Variants in PRKD1 observed in about 807,000 individuals in gnomAD.
The protein encoded by PRKD1 is protein kinase D1.
PRKD1 carries 63 observed loss-of-function variants against 95.9 expected under a neutral mutation model. That is an observed-to-expected ratio of 0.66 (90% confidence interval 0.54 to 0.81). The LOEUF (loss-of-function observed/expected upper bound fraction) is 0.81, where lower values mean the gene tolerates loss of function less well. Among genes scored for constraint, PRKD1 ranks in the 30% least tolerant of loss-of-function variants. The pLI is 0.00. For missense variants in PRKD1, 1,048 were observed against 1,165.3 expected (o/e 0.90, Z 1.47); for synonymous variants, 425 against 423.1 (o/e 1.00, Z -0.05).
chr14:29,678,244 T>A (rs574965339), intron 2 of PRKD1, among the ~76,000 whole-genome samples: 2 of 152,214 alleles, frequency 1.3e-5, no homozygotes, highest in Non-Finnish European at 2.9e-5. Context: ...CTGGAATTTA[T>A]GTACAACTTT....
At chr14:29,707,825 T>C (rs542312063) in intron 2 of PRKD1, among the ~76,000 whole-genome samples, 1 of 152,270 alleles carries the variant, frequency 6.6e-6, no homozygotes, top group African/African-American at 2.4e-5. Context: ...TTCATGAATG[T>C]TGATGTTCCA....
chr14:29,899,836 C>T (rs932468735), intron 1 of PRKD1, among the ~76,000 whole-genome samples: 1 of 152,102 alleles, frequency 6.6e-6, no homozygotes, highest in Non-Finnish European at 1.5e-5. Flanking sequence ...AACTGTAATC[C>T]GAATTGTAAT....
chr14:29,667,577 G>A (rs985374032), intron 2 of PRKD1, among the ~76,000 whole-genome samples: 5 of 152,152 alleles, frequency 3.3e-5, no homozygotes, highest in African/African-American at 1.2e-4. Flanking sequence ...TGGTCAAAAT[G>A]TGTCCAATTG....
chr14:29,586,021 G>C (rs1892911713), intron 16 of PRKD1, among the ~76,000 whole-genome samples: 1 of 152,186 alleles, frequency 6.6e-6, no homozygotes. Context: ...TGATTTGGTA[G>C]TTCTGAGGTG....
chr14:29,865,791 G>T (rs2139367795), intron 1 of PRKD1, among the ~76,000 whole-genome samples: 1 of 152,236 alleles, frequency 6.6e-6, no homozygotes, highest in East Asian at 1.9e-4. Flanking sequence ...ATGTCTCTGT[G>T]CTGCTTTCTG....
At chr14:29,854,608 T>A (rs1892429115) in intron 1 of PRKD1, among the ~76,000 whole-genome samples, 1 of 152,224 alleles carries the variant, frequency 6.6e-6, no homozygotes, top group Non-Finnish European at 1.5e-5. Context: ...TACCATTTTC[T>A]GAGGAGAAAT....
chr14:29,849,663 C>T (rs1892226041), intron 1 of PRKD1, among the ~76,000 whole-genome samples: 1 of 151,674 alleles, frequency 6.6e-6, no homozygotes, highest in Non-Finnish European at 1.5e-5. Context: ...GAGCTGGTAC[C>T]AATCCCACCG....
At chr14:29,853,583 G>A (rs186974991) in intron 1 of PRKD1, among the ~76,000 whole-genome samples, 101 of 152,302 alleles carry the variant, frequency 6.6e-4, no homozygotes, top group African/African-American at 2.2e-3. Flanking sequence ...TTCCTACACC[G>A]AAGGTCTTTG....
intron 2 of PRKD1, among the ~76,000 whole-genome samples, chr14:29,666,823 T>C (rs1331157412): frequency 1.3e-5 from 2 of 152,010 alleles, no homozygotes; most frequent in African/African-American, 2.4e-5. Flanking sequence ...AAGAGAGGGA[T>C]TTAATACATA....
intron 2 of PRKD1, among the ~76,000 whole-genome samples, chr14:29,683,661 T>C (rs1351955781): frequency 1.3e-5 from 2 of 152,086 alleles, no homozygotes; most frequent in Non-Finnish European, 2.9e-5. Flanking sequence ...AAAAATACTA[T>C]CAAATATGGA....
At chr14:29,856,607 G>GT (rs1892513697) in intron 1 of PRKD1, among the ~76,000 whole-genome samples, 1 of 152,130 alleles carries the variant, frequency 6.6e-6, no homozygotes, top group East Asian at 1.9e-4. Context: ...TCAATGTATC[G>GT]TGAGTTCAAT....
At chr14:29,749,033 T>C (rs564297160) in intron 1 of PRKD1, among the ~76,000 whole-genome samples, 61 of 152,270 alleles carry the variant, frequency 4.0e-4, no homozygotes, top group African/African-American at 1.4e-3. Context: ...ACTATAAGTA[T>C]ATGTAGGAGT....
intron 1 of PRKD1, among the ~76,000 whole-genome samples, chr14:29,893,296 T>C (rs1218787589): frequency 2.0e-5 from 3 of 152,042 alleles, no homozygotes; most frequent in African/African-American, 4.8e-5. Flanking sequence ...AATTTTCTTG[T>C]TGAAAATTTA....
chr14:29,766,808 A>G (rs191218875), intron 1 of PRKD1, among the ~76,000 whole-genome samples: 228 of 152,302 alleles, frequency 1.5e-3, no homozygotes, highest in African/African-American at 5.3e-3. Context: ...TGGGGGACAG[A>G]GGAACAAAAC....
chr14:29,694,675 C>A (rs1884416565), intron 2 of PRKD1, among the ~76,000 whole-genome samples: 1 of 151,936 alleles, frequency 6.6e-6, no homozygotes, highest in Non-Finnish European at 1.5e-5. Context: ...AAATATAAAG[C>A]AAGAAGTGGG....
At position 29,920,003 on chromosome 14, in the gene PRKD1, A is replaced by AGGAAGGAAGGAG. The variant is rs1473401271; in HGVS notation, c.264+7234_264+7245dup. On this transcript the variant is annotated intron_variant, in intron 1 of 17. Coordinates refer to ENST00000331968, the MANE Select transcript of PRKD1 (RefSeq NM_002742.3). ...GAGAGAGAAAGAGAGGAAGGAAGGT[A>AGGAAGGAAGGAG]GGAAGGAAGGAGGGAAGGAAGGAAG... Among the ~76,000 whole-genome samples the AGGAAGGAAGGAG allele has an allele frequency of 3.9e-4, 53 of 136,824 alleles. 2 individuals carry two copies. The highest frequency in any genetic ancestry group is 1.5e-3 in the South Asian group (6 of 3,986). 89.8% of individuals were successfully genotyped at this position (136,824 alleles called of 152,430 possible). A position where few individuals can be genotyped will look rare whatever the true frequency, so the allele number is the denominator to read the frequency against.
At chr14:29,841,438 C>T (rs1891839488) in intron 1 of PRKD1, among the ~76,000 whole-genome samples, 1 of 152,084 alleles carries the variant, frequency 6.6e-6, no homozygotes, top group African/African-American at 2.4e-5. Context: ...TGGGAAGAAC[C>T]CATTGGGGGG....
chr14:29,823,947 T>C (rs1891017536), intron 1 of PRKD1, among the ~76,000 whole-genome samples: 1 of 152,184 alleles, frequency 6.6e-6, no homozygotes, highest in Admixed American at 6.6e-5. Context: ...TTGAGAACTC[T>C]GGGGCTAAGC....
chr14:29,739,579 GT>G (rs1886892977), intron 1 of PRKD1, among the ~76,000 whole-genome samples: 1 of 152,160 alleles, frequency 6.6e-6, no homozygotes, highest in Non-Finnish European at 1.5e-5. Context: ...TGAAATTAAA[GT>G]TTTGAATGTG....
Sources: gnomAD v4.1 joint callset for allele counts (sites outside exome capture counted in the v4.1 genomes callset) on GRCh38, gnomAD v4.1.1 for gene constraint, MANE v1.5 for transcripts, NCBI Gene and HGNC (gene_info 2026-07-23, HGNC 2026-07-21) for gene names.